Variants in PHACTR1 observed in about 807,000 individuals in gnomAD.
PHACTR1 encodes the protein RPEL repeat containing 1.
PHACTR1 carries 16 observed loss-of-function variants against 69.2 expected under a neutral mutation model. The ratio of observed to expected loss-of-function variants is 0.23; its 90% CI spans 0.16 to 0.35. The LOEUF (loss-of-function observed/expected upper bound fraction) is 0.35, where lower values mean the gene tolerates loss of function less well. PHACTR1 is among the 10% of genes least tolerant of loss of function. PHACTR1 has a pLI of 1.00. For missense variants in PHACTR1, 510 were observed against 734.7 expected, an observed-to-expected ratio of 0.69 and a Z score of 3.54; for synonymous variants, 312 against 284.5, an observed-to-expected ratio of 1.10 and a Z score of -0.97.
At chr6:12,986,367 C>T (rs975756876) in intron 4 of PHACTR1, among the ~76,000 whole-genome samples, 1 of 152,104 alleles carries the variant, frequency 6.6e-6, no homozygotes, top group African/African-American at 2.4e-5. Context: ...TCTTTTCAGA[C>T]CTTTCATTAC....
chr6:12,804,793 T>A (rs1438730130), intron 4 of PHACTR1, among the ~76,000 whole-genome samples: 1 of 152,200 alleles, frequency 6.6e-6, no homozygotes, highest in Admixed American at 6.5e-5. Context: ...AGTGGCACCC[T>A]GTTTCAAAAT....
intron 10 of PHACTR1, among the ~76,000 whole-genome samples, chr6:13,250,337 T>G (rs1774209340): frequency 6.6e-6 from 1 of 152,224 alleles, no homozygotes; most frequent in African/African-American, 2.4e-5. Context: ...TCCTTTGTGC[T>G]CATTACTCTA....
intron 4 of PHACTR1, among the ~76,000 whole-genome samples, chr6:12,936,334 C>T (rs1005606515): frequency 6.6e-6 from 1 of 152,194 alleles, no homozygotes; most frequent in Non-Finnish European, 1.5e-5. Context: ...ATTGATTAAT[C>T]TAGCCTGAGG....
chr6:12,966,881 G>C (rs1793572636), intron 4 of PHACTR1, among the ~76,000 whole-genome samples: 1 of 152,186 alleles, frequency 6.6e-6, no homozygotes, highest in Non-Finnish European at 1.5e-5. Context: ...ATGTGCTCGT[G>C]AACAGAGGAG....
At chr6:12,853,281 C>A (rs1271992090) in intron 4 of PHACTR1, among the ~76,000 whole-genome samples, 1 of 152,150 alleles carries the variant, frequency 6.6e-6, no homozygotes, top group Non-Finnish European at 1.5e-5. Context: ...GTGTCCCTTG[C>A]AGACTTTTTT....
chr6:12,864,548 T>C (rs925804413), intron 4 of PHACTR1, among the ~76,000 whole-genome samples: 5 of 151,922 alleles, frequency 3.3e-5, no homozygotes, highest in Admixed American at 3.3e-4. Flanking sequence ...GTCATGGTGG[T>C]GGGCACCTGT....
rs904754701 is a variant in PHACTR1, at chr6:13,284,255, C to T, written c.1650+693C>T. Reference sequence around the variant, plus strand: ...TCTGTGCGCCAGGCACAGTGGCTCACGCCTGTAATCCCAGCACTTTGGGAG... The same window carrying T: ...TCTGTGCGCCAGGCACAGTGGCTCATGCCTGTAATCCCAGCACTTTGGGAG... On this transcript the variant is annotated intron_variant, in intron 13 of 14. Transcript: ENST00000332995. Among the ~76,000 whole-genome samples the T allele has an allele frequency of 5.9e-5, 9 of 152,050 alleles. No homozygotes were observed. In the South Asian group the frequency reaches 8.3e-4, roughly 14 times the overall value.
chr6:13,185,953 G>A (rs1228957752), intron 7 of PHACTR1, among the ~76,000 whole-genome samples: 2 of 152,162 alleles, frequency 1.3e-5, no homozygotes, highest in Non-Finnish European at 2.9e-5. Context: ...AGGCACAATC[G>A]ATGCTATATT....
chr6:12,990,536 G>A (rs966326059), intron 4 of PHACTR1, among the ~76,000 whole-genome samples: 1 of 152,230 alleles, frequency 6.6e-6, no homozygotes, highest in African/African-American at 2.4e-5. Context: ...AGCGCTTTTG[G>A]GCTCCAGCCC....
chr6:12,893,188 G>T (rs1358996424), intron 4 of PHACTR1, among the ~76,000 whole-genome samples: 4 of 152,136 alleles, frequency 2.6e-5, no homozygotes, highest in African/African-American at 9.7e-5. Context: ...TATCTTACAG[G>T]CATGAAAACC....
chr6:12,892,385 T>A (rs1178047755), intron 4 of PHACTR1, among the ~76,000 whole-genome samples: 1 of 152,180 alleles, frequency 6.6e-6, no homozygotes, highest in Non-Finnish European at 1.5e-5. Flanking sequence ...TTTGCTTGGA[T>A]AGTGGCTCTT....
chr6:12,772,158 A>T (rs1276274307), intron 4 of PHACTR1, among the ~76,000 whole-genome samples: 1 of 152,118 alleles, frequency 6.6e-6, no homozygotes, highest in Non-Finnish European at 1.5e-5. Context: ...GAGGTTTGAT[A>T]TTGTTTTTCT....
At position 13,066,554 on chromosome 6, in the gene PHACTR1, A is replaced by T. The variant is rs556430831; in HGVS notation, c.415+13025A>T. ...TTTGGACAGCATTATTGTTTGGGTT[A>T]TCTATTGCTGTGTTACAAAACCCCC... On this transcript the variant is annotated intron_variant, in intron 5 of 14. Coordinates refer to ENST00000332995, the MANE Select transcript of PHACTR1 (RefSeq NM_030948.6). 3.9e-5 allele frequency among the ~76,000 whole-genome samples: 6 copies of T among 152,256 alleles called. No individual in the cohort carries two copies. In the South Asian group the frequency reaches 1.2e-3, roughly 32 times the overall value.
intron 5 of PHACTR1, among the ~76,000 whole-genome samples, chr6:13,107,800 T>TC (rs1188201191): frequency 6.6e-6 from 1 of 152,116 alleles, no homozygotes; most frequent in Admixed American, 6.6e-5. Context: ...TATCACTTTT[T>TC]CTCATCTTTT....
chr6:13,115,899 A>G (rs878890071), intron 5 of PHACTR1, among the ~76,000 whole-genome samples: 8 of 152,190 alleles, frequency 5.3e-5, no homozygotes, highest in Admixed American at 3.9e-4. Context: ...GAGACAGAAC[A>G]GCAGGTGCGT....
rs1422328594 is a variant in PHACTR1 at position 12,739,822 on chromosome 6, A to G, written c.104-9822A>G. Among the ~76,000 whole-genome samples, 4 of 152,208 alleles carry G rather than the reference A, an allele frequency of 2.6e-5. No individual in the cohort carries two copies. The East Asian group carries it at 7.7e-4, about 29-fold the overall frequency. ...AAGTAAATCCAAAGGGATTACAGAC[A>G]TGGGCCACTTTACTGGGCCTTATTT... On this transcript the variant is annotated intron_variant, in intron 3 of 14. Coordinates refer to ENST00000332995, the MANE Select transcript of PHACTR1 (RefSeq NM_030948.6).
chr6:13,232,619 C>T (rs963549784), intron 10 of PHACTR1, among the ~76,000 whole-genome samples: 1 of 152,208 alleles, frequency 6.6e-6, no homozygotes, highest in African/African-American at 2.4e-5. Flanking sequence ...ATGCCACTCC[C>T]ACCCATTGGT....
chr6:12,767,923 T>G (rs1162213578), intron 4 of PHACTR1, among the ~76,000 whole-genome samples: 3 of 152,194 alleles, frequency 2.0e-5, no homozygotes, highest in Non-Finnish European at 2.9e-5. Context: ...TAGTGGTACT[T>G]GGCTTAAATA....
chr6:13,192,242 T>C (rs1561969512), intron 7 of PHACTR1, among the ~76,000 whole-genome samples: 1 of 152,138 alleles, frequency 6.6e-6, no homozygotes, highest in Admixed American at 6.5e-5. Flanking sequence ...TCAAATCCTT[T>C]TGGAGGAATC....
Sources: allele counts gnomAD v4.1 joint callset (sites outside exome capture counted in the v4.1 genomes callset), GRCh38; gene constraint gnomAD v4.1.1; transcripts MANE v1.5; gene names NCBI Gene and HGNC (gene_info 2026-07-23, HGNC 2026-07-21).